Variants in TSPAN9 observed in about 807,000 individuals in gnomAD.
The protein encoded by TSPAN9 is tetraspanin 9, also known as tetraspanin-9.
A neutral mutation model predicts 31.0 loss-of-function variants in TSPAN9; 16 were observed. That is an observed-to-expected ratio of 0.52 (90% CI 0.35 to 0.78). The LOEUF (loss-of-function observed/expected upper bound fraction) is 0.78, where lower values mean the gene tolerates loss of function less well. Ranked by LOEUF, TSPAN9 falls within the 30% of genes least tolerant of loss-of-function variation. The probability of loss-of-function intolerance (pLI) is 0.01; values close to 1 mark genes in which losing one functional copy is unlikely to be tolerated. For synonymous variants in TSPAN9, 145 were observed against 121.6 expected (o/e 1.19, Z -1.27); for missense variants, 272 against 312.5 (o/e 0.87, Z 0.98).
chr12:3,258,870 C>T (rs902585479), intron 3 of TSPAN9, among the ~76,000 whole-genome samples: 2 of 152,164 alleles, frequency 1.3e-5, no homozygotes, highest in African/African-American at 4.8e-5. Context: ...AGAGGGCAGC[C>T]AGACTACATT....
At chr12:3,198,598 CA>C in intron 2 of TSPAN9, among the ~76,000 whole-genome samples, 1 of 62,764 alleles carries the variant, frequency 1.6e-5, no homozygotes, top group South Asian at 5.2e-4. Flanking sequence ...CAGCACAGGT[CA>C]CACCAGCACA....
At chr12:3,098,576 A>G (rs74057510) in intron 2 of TSPAN9, among the ~76,000 whole-genome samples, 3,281 of 152,272 alleles carry the variant, frequency 0.022, 118 homozygotes, top group African/African-American at 0.074. Context: ...ATCTGCTCCC[A>G]TCCAGCCTCG....
chr12:3,220,356 G>A (rs1427872180), intron 3 of TSPAN9, among the ~76,000 whole-genome samples: 2 of 152,278 alleles, frequency 1.3e-5, no homozygotes, highest in East Asian at 1.9e-4. Context: ...GTAACAGACC[G>A]AGGTGTCTCA....
intron 5 of TSPAN9, 126 bp downstream of exon 5, chr12:3,279,192 A>G: frequency 1.2e-6 from 1 of 864,724 alleles, no homozygotes; most frequent in Non-Finnish European, 1.9e-6. Flanking sequence ...GCAGAAAGGA[A>G]CATGGAACCA....
At chr12:3,176,966 A>G (rs940413476) in intron 2 of TSPAN9, among the ~76,000 whole-genome samples, 2 of 152,226 alleles carry the variant, frequency 1.3e-5, no homozygotes, top group African/African-American at 4.8e-5. Flanking sequence ...TACCATGGAC[A>G]GCAGGGCAAA....
intron 5 of TSPAN9, 143 bp downstream of exon 5, chr12:3,279,209 G>A (rs1862851623): frequency 1.3e-6 from 1 of 783,014 alleles, no homozygotes; most frequent in East Asian, 2.5e-5. Context: ...ACCAAGGGTT[G>A]GGAAAGCTAC....
rs558369802 is a variant in TSPAN9 at position 3,170,092 on chromosome 12, T to C, written c.-17-31085T>C. Among the ~76,000 whole-genome samples, 19 of 152,328 alleles carry C rather than the reference T, an allele frequency of 1.2e-4. No homozygotes were observed. The highest frequency in any genetic ancestry group is 6.8e-3 in the Middle Eastern group (2 of 294). On this transcript the variant is annotated intron_variant, in intron 2 of 8. Transcript: ENST00000011898. This position sits in a 1 kb window ranked among gnomAD's most constrained non-coding sequence, Gnocchi z 4.4. ...GAGCAAGTCCCTTTACTTCTCTCTG[T>C]TCCACGTCCTTCATCTGGGAATAAT...
intron 3 of TSPAN9, among the ~76,000 whole-genome samples, chr12:3,227,847 G>T (rs1363949704): frequency 6.6e-6 from 1 of 152,180 alleles, no homozygotes; most frequent in Non-Finnish European, 1.5e-5. Context: ...GGGTAGGCTG[G>T]GGTGGTACAG....
intron 2 of TSPAN9, among the ~76,000 whole-genome samples, chr12:3,146,751 T>C (rs1222325050): frequency 6.6e-6 from 1 of 152,252 alleles, no homozygotes; most frequent in Admixed American, 6.5e-5. Context: ...GATTCTGTGC[T>C]CTCTAGGCCA....
chr12:3,201,098 A>T, intron 2 of TSPAN9, 79 bp from the exon 3 acceptor site: 1 of 1,345,140 alleles, frequency 7.4e-7, no homozygotes, highest in Non-Finnish European at 1.1e-6. Flanking sequence ...GGCCGGCGTT[A>T]AGACCGACAA....
chr12:3,227,191 A>T (rs1195463863), intron 3 of TSPAN9, among the ~76,000 whole-genome samples: 1 of 152,158 alleles, frequency 6.6e-6, no homozygotes, highest in Admixed American at 6.5e-5. Context: ...AGTGGTAAAA[A>T]ATTAAATGCA....
intron 3 of TSPAN9, among the ~76,000 whole-genome samples, chr12:3,277,619 G>A (rs1301053589): frequency 6.6e-6 from 1 of 152,224 alleles, no homozygotes; most frequent in Non-Finnish European, 1.5e-5. Flanking sequence ...GGGAGTGCCA[G>A]CTATATCGAG....
chr12:3,222,541 C>T (rs1443089413), intron 3 of TSPAN9, among the ~76,000 whole-genome samples: 1 of 152,202 alleles, frequency 6.6e-6, no homozygotes, highest in Non-Finnish European at 1.5e-5. Context: ...GGCTCTCAGC[C>T]TCATCTCTGT....
chr12:3,099,087 T>C (rs1157717955), intron 2 of TSPAN9, among the ~76,000 whole-genome samples: 1 of 152,186 alleles, frequency 6.6e-6, no homozygotes, highest in Non-Finnish European at 1.5e-5. Flanking sequence ...TTTAGCAAAT[T>C]TGAAAATTTG....
rs150066909 is a variant in TSPAN9 at position 3,087,961 on chromosome 12, C to T, written c.-18+4242C>T. On this transcript the variant is annotated intron_variant, in intron 2 of 8. Coordinates refer to ENST00000011898, the MANE Select transcript of TSPAN9 (RefSeq NM_006675.5). Reference sequence around the variant, plus strand: ...CTGAGGCTTAGGGGCCCAAAGCTCTCCGACAAGCCCTGAGGGTGGCAGTGC... The same window carrying T: ...CTGAGGCTTAGGGGCCCAAAGCTCTTCGACAAGCCCTGAGGGTGGCAGTGC... 3.0e-3 allele frequency among the ~76,000 whole-genome samples: 452 copies of T among 152,314 alleles called. 8 individuals are homozygous for T. In the Middle Eastern group the frequency reaches 0.037, roughly 13 times the overall value.
chr12:3,126,785 TG>T (rs2098327539), intron 2 of TSPAN9, among the ~76,000 whole-genome samples: 1 of 151,408 alleles, frequency 6.6e-6, no homozygotes, highest in Non-Finnish European at 1.5e-5. Context: ...GAGGCTGAAG[TG>T]GGAGGATTGC....
intron 3 of TSPAN9, among the ~76,000 whole-genome samples, chr12:3,272,128 G>T (rs1862690382): frequency 1.3e-5 from 2 of 152,282 alleles, no homozygotes; most frequent in African/African-American, 4.8e-5. Context: ...GTGTCAGGGG[G>T]GCCAGGTCAG....
intron 3 of TSPAN9, among the ~76,000 whole-genome samples, chr12:3,205,726 C>CG (rs57552826): frequency 0.51 from 77,464 of 150,976 alleles, 20,920 homozygotes; most frequent in East Asian, 0.7. Context: ...AGGCCCCCCC[C>CG]CCCCAGAGTG....
At chr12:3,201,081 G>C in intron 2 of TSPAN9, 96 bp from the exon 3 acceptor site, 3 of 1,212,744 alleles carry the variant, frequency 2.5e-6, no homozygotes, top group Non-Finnish European at 2.4e-6. Flanking sequence ...GGCCAGAGCC[G>C]CGCCGAGGCC....
Sources: allele counts gnomAD v4.1 joint callset (sites outside exome capture counted in the v4.1 genomes callset), GRCh38; gene constraint gnomAD v4.1.1; non-coding constraint Gnocchi (gnomAD v3.1); transcripts MANE v1.5; gene names NCBI Gene and HGNC (gene_info 2026-07-23, HGNC 2026-07-21).